Variants in CALD1 observed in about 807,000 individuals in gnomAD.
CALD1 encodes the protein caldesmon 1.
Under a neutral mutation model 99.9 loss-of-function variants are expected in CALD1, and 33 were observed. The ratio of observed to expected loss-of-function variants is 0.33; its 90% CI spans 0.25 to 0.44. CALD1 has a LOEUF of 0.44. Among genes scored for constraint, CALD1 ranks in the 20% least tolerant of loss-of-function variants. The pLI is 1.00. For missense variants in CALD1, 861 were observed against 962.1 expected (o/e 0.89, Z 1.39); for synonymous variants, 310 against 325.0 (o/e 0.95, Z 0.50).
At chr7:134,961,079 CTT>C (rs1291255754) in intron 13 of CALD1, 1 of 152,414 alleles carries the variant, frequency 6.6e-6, no homozygotes, top group Non-Finnish European at 1.5e-5. Context: ...ATTTTTATAA[CTT>C]GGCACAAAAA....
the CALD1 span, among the ~76,000 whole-genome samples, chr7:134,736,719 T>G: frequency 1.3e-5 from 2 of 152,228 alleles, no homozygotes; most frequent in African/African-American, 2.4e-5. Flanking sequence ...TGGATACATT[T>G]TTATATACGC....
chr7:134,742,835 G>T (rs1796602889), upstream of CALD1, among the ~76,000 whole-genome samples: 1 of 152,132 alleles, frequency 6.6e-6, no homozygotes. Context: ...ATCTCCCTGA[G>T]CAGTGTTCTG....
chr7:134,952,908 T>C (rs986269789), intron 9 of CALD1, among the ~76,000 whole-genome samples: 6 of 152,174 alleles, frequency 3.9e-5, no homozygotes, highest in African/African-American at 1.2e-4. Flanking sequence ...ACATTTAATA[T>C]CTGATTATTT....
intron 1 of CALD1, among the ~76,000 whole-genome samples, chr7:134,835,232 C>G (rs1418053767): frequency 6.6e-6 from 1 of 152,130 alleles, no homozygotes; most frequent in Non-Finnish European, 1.5e-5. Flanking sequence ...AGATCCTGAC[C>G]TGAGCCCTGT....
intron 3 of CALD1, among the ~76,000 whole-genome samples, chr7:134,913,683 C>A (rs200354524): frequency 6.6e-6 from 1 of 152,010 alleles, no homozygotes; most frequent in Admixed American, 6.5e-5. Context: ...GATCACCAAA[C>A]TTTTTTGTAA....
intron 4 of CALD1, among the ~76,000 whole-genome samples, chr7:134,930,037 G>A (rs554457860): frequency 6.6e-6 from 1 of 152,212 alleles, no homozygotes; most frequent in South Asian, 2.1e-4. Flanking sequence ...ATGAATTGCA[G>A]ATGTCTTCTT....
At chr7:134,729,556 G>A in the CALD1 span, among the ~76,000 whole-genome samples, 29 of 152,350 alleles carry the variant, frequency 1.9e-4, no homozygotes, top group African/African-American at 7.0e-4. Context: ...TGCCTGTGAG[G>A]GGACACACAA....
chr7:134,907,293 T>C (rs919638200), intron 3 of CALD1, among the ~76,000 whole-genome samples: 2 of 152,124 alleles, frequency 1.3e-5, no homozygotes, highest in African/African-American at 4.8e-5. Flanking sequence ...TGTTGGTTGG[T>C]ACCTTGTGAG....
At chr7:134,784,421 C>T (rs905491053) in intron 1 of CALD1, among the ~76,000 whole-genome samples, 2 of 152,198 alleles carry the variant, frequency 1.3e-5, no homozygotes, top group Non-Finnish European at 2.9e-5. Context: ...GACCAGTTGG[C>T]ATCAAAGATA....
chr7:134,790,618 A>G (rs2131751301), intron 1 of CALD1, among the ~76,000 whole-genome samples: 2 of 152,322 alleles, frequency 1.3e-5, no homozygotes, highest in South Asian at 4.1e-4. Context: ...CATTGCTTTC[A>G]CTATTGACTG....
chr7:134,918,495 TTTAGGGATGCA>T (rs1359903154), intron 3 of CALD1, among the ~76,000 whole-genome samples: 2 of 152,196 alleles, frequency 1.3e-5, no homozygotes, highest in Non-Finnish European at 2.9e-5. Context: ...AAATATGCTG[TTTAGGGATGCA>T]TACCATGCTG....
At chr7:134,741,119 A>G (rs1245856913), upstream of CALD1, among the ~76,000 whole-genome samples, 1 of 152,180 alleles carries the variant, frequency 6.6e-6, no homozygotes, top group Non-Finnish European at 1.5e-5. Context: ...TTGTATTATT[A>G]GTCCATTCTC....
chr7:134,741,670 G>A (rs1796592923), upstream of CALD1, among the ~76,000 whole-genome samples: 1 of 151,950 alleles, frequency 6.6e-6, no homozygotes. Context: ...GACACACCTG[G>A]GCACCAATGC....
chr7:134,775,022 C>T (rs764415452), upstream of CALD1, among the ~76,000 whole-genome samples: 1 of 105,542 alleles, frequency 9.5e-6, no homozygotes, highest in Non-Finnish European at 1.8e-5. Context: ...GTTATATACC[C>T]TATGATAAAA....
intron 1 of CALD1, among the ~76,000 whole-genome samples, chr7:134,754,800 A>G (rs188166332): frequency 6.6e-6 from 1 of 152,326 alleles, no homozygotes; most frequent in Non-Finnish European, 1.5e-5. Context: ...AATTACAAAC[A>G]ATTGTATAAA....
At chr7:134,809,847 G>A (rs1307582589) in intron 1 of CALD1, among the ~76,000 whole-genome samples, 1 of 152,162 alleles carries the variant, frequency 6.6e-6, no homozygotes, top group Non-Finnish European at 1.5e-5. Context: ...TATTGCAGAG[G>A]TGATGAGAAC....
Position 134,922,658 on chromosome 7 carries a change from G to A in CALD1, c.72-6096G>A, listed in dbSNP as rs528703749. Among the ~76,000 whole-genome samples, 17 of 152,274 alleles carry A rather than the reference G, an allele frequency of 1.1e-4. No individual in the cohort carries two copies. The South Asian group carries it at 1.7e-3, about 15-fold the overall frequency. ...GTTCCTTGCTCCAGTGTCTTGCTAC[G>A]GAAGCTTCTGCAAGTTCTTCTGGCT... On this transcript the variant is annotated intron_variant, in intron 3 of 14. Transcript: ENST00000361675.
chr7:134,826,088 T>C (rs2132038626), intron 1 of CALD1, among the ~76,000 whole-genome samples: 2 of 152,258 alleles, frequency 1.3e-5, no homozygotes, highest in Admixed American at 6.5e-5. Context: ...CCCAAACTAC[T>C]GTTTACTTTA....
At chr7:134,957,933 A>G in intron 9 of CALD1, 136 bp from the exon 10 acceptor site, 1 of 668,398 alleles carries the variant, frequency 1.5e-6, no homozygotes, top group East Asian at 2.7e-5. Flanking sequence ...TAGCAGAGCT[A>G]CGCACAGTAA....
Sources: gnomAD v4.1 joint callset for allele counts (sites outside exome capture counted in the v4.1 genomes callset) on GRCh38, gnomAD v4.1.1 for gene constraint, MANE v1.5 for transcripts, NCBI Gene and HGNC (gene_info 2026-07-23, HGNC 2026-07-21) for gene names.